SRFBP1: variants seen among roughly 807,000 people sequenced by gnomAD.
SRFBP1 encodes serum response factor binding protein 1.
A neutral mutation model predicts 45.5 loss-of-function variants in SRFBP1; 47 were observed. The observed-to-expected ratio is 1.03, with a 90% CI of 0.82 to 1.32. The LOEUF (loss-of-function observed/expected upper bound fraction) is 1.32, where lower values mean the gene tolerates loss of function less well. Among genes scored for constraint, SRFBP1 ranks in the 40% most tolerant of loss-of-function variants. SRFBP1 has a pLI of 0.00. For synonymous variants in SRFBP1, 203 were observed against 166.3 expected (o/e 1.22, Z -1.70); for missense variants, 621 against 484.6 (o/e 1.28, Z -2.64).
rs1030910311 is a variant in SRFBP1, at chr5:122,022,352, G to C, written c.1068-18G>C. ...GATTTATCTTTAAAAAGTCATAATG[G>C]TGTTTTTCTTCTTTTAGAAATTTCA... On this transcript the variant is annotated intron_variant, in intron 6 of 7. Coordinates refer to ENST00000339397, the MANE Select transcript of SRFBP1 (RefSeq NM_152546.3). The C allele has an allele frequency of 6.3e-7, 1 of 1,599,890 alleles. No individual in the cohort carries two copies. The highest frequency in any genetic ancestry group is 8.5e-7 in the Non-Finnish European group (1 of 1,170,892).
downstream of SRFBP1, among the ~76,000 whole-genome samples, chr5:122,030,024 G>A (rs993865262): frequency 2.6e-5 from 4 of 152,140 alleles, no homozygotes; most frequent in Admixed American, 2.0e-4. Context: ...GCTAGTTTCA[G>A]AATTGCTAAG....
At chr5:122,026,011 A>C (rs1753471593) in intron 7 of SRFBP1, among the ~76,000 whole-genome samples, 2 of 152,144 alleles carry the variant, frequency 1.3e-5, no homozygotes, top group South Asian at 4.1e-4. Flanking sequence ...AATTGCTTGA[A>C]CCTGGGAGGT....
At chr5:122,006,312 A>G (rs1419317802) in intron 4 of SRFBP1, among the ~76,000 whole-genome samples, 1 of 152,074 alleles carries the variant, frequency 6.6e-6, no homozygotes, top group African/African-American at 2.4e-5. Flanking sequence ...TTCTCTTGCT[A>G]CTTTCAAGAT....
intron 4 of SRFBP1, among the ~76,000 whole-genome samples, chr5:122,005,128 G>A (rs1365844706): frequency 6.6e-6 from 1 of 152,112 alleles, no homozygotes; most frequent in African/African-American, 2.4e-5. Context: ...GTTGCTGTTG[G>A]ATGAAATGTT....
At chr5:122,015,321 C>A (rs1753174295) in intron 4 of SRFBP1, among the ~76,000 whole-genome samples, 1 of 152,196 alleles carries the variant, frequency 6.6e-6, no homozygotes, top group African/African-American at 2.4e-5. Context: ...CTGCTATAAT[C>A]TGTTGCTTTA....
intron 2 of SRFBP1, among the ~76,000 whole-genome samples, chr5:122,060,386 C>T (rs1425911956): frequency 6.6e-6 from 1 of 152,006 alleles, no homozygotes; most frequent in African/African-American, 2.4e-5. Flanking sequence ...CTCATCTGGG[C>T]AATCATTTTC....
chr5:122,052,444 CT>C (rs1292841331), intron 2 of SRFBP1, among the ~76,000 whole-genome samples: 1 of 152,042 alleles, frequency 6.6e-6, no homozygotes, highest in African/African-American at 2.4e-5. Context: ...TTGCTTTTTA[CT>C]TTTTTATTCT....
chr5:122,009,624 G>T (rs913485914), intron 4 of SRFBP1, among the ~76,000 whole-genome samples: 20 of 152,160 alleles, frequency 1.3e-4, no homozygotes, highest in African/African-American at 4.6e-4. Flanking sequence ...TTTCCGAGTA[G>T]GGTGACCACA....
chr5:121,987,137 G>A (rs1752534714), intron 3 of SRFBP1, among the ~76,000 whole-genome samples: 1 of 152,118 alleles, frequency 6.6e-6, no homozygotes, highest in South Asian at 2.1e-4. Flanking sequence ...CCATAAAGAA[G>A]TCTTGAACGT....
intron 2 of SRFBP1, among the ~76,000 whole-genome samples, chr5:122,042,533 T>C (rs1290257911): frequency 6.6e-6 from 1 of 152,228 alleles, no homozygotes; most frequent in Non-Finnish European, 1.5e-5. Flanking sequence ...ATTACAGGCA[T>C]GAACCACCAC....
chr5:122,009,935 C>T (rs1473062550), intron 4 of SRFBP1, among the ~76,000 whole-genome samples: 1 of 152,074 alleles, frequency 6.6e-6, no homozygotes, highest in African/African-American at 2.4e-5. Flanking sequence ...ATCTGTTCAG[C>T]TTGTTCTATG....
At chr5:122,061,908 T>A (rs1754177051) in intron 2 of SRFBP1, among the ~76,000 whole-genome samples, 1 of 151,982 alleles carries the variant, frequency 6.6e-6, no homozygotes, top group African/African-American at 2.4e-5. Context: ...GCTGCCACAT[T>A]TATTTTAAAT....
chr5:122,050,278 T>G (rs1160278719), intron 2 of SRFBP1, among the ~76,000 whole-genome samples: 1 of 152,120 alleles, frequency 6.6e-6, no homozygotes, highest in Non-Finnish European at 1.5e-5. Context: ...TGAGGAGGAG[T>G]TCCTCATGCT....
intron 1 of SRFBP1, among the ~76,000 whole-genome samples, chr5:121,967,191 C>A (rs1296870299): frequency 6.6e-6 from 1 of 152,104 alleles, no homozygotes; most frequent in Non-Finnish European, 1.5e-5. Context: ...TGCCAAAGAA[C>A]AAAATGAGTT....
At chr5:121,994,103 CAG>C (rs1455883008) in intron 3 of SRFBP1, among the ~76,000 whole-genome samples, 1 of 151,950 alleles carries the variant, frequency 6.6e-6, no homozygotes, top group African/African-American at 2.4e-5. Flanking sequence ...AGTTGTGTGT[CAG>C]AGTCTTGAGC....
At position 121,977,102 on chromosome 5, in the gene SRFBP1, AG is replaced by A. The variant is rs540601831; in HGVS notation, c.198+1718del. On this transcript the variant is annotated intron_variant, in intron 3 of 7. Transcript: ENST00000339397. ...TTCTTGTTTTGAATCTCATCAGCAA[AG>A]GGAAATCTGATTCAGTGATAAAGTT... Among the ~76,000 whole-genome samples the A allele has an allele frequency of 6.5e-4, 99 of 152,158 alleles. 2 individuals are homozygous for A. The highest frequency in any genetic ancestry group is 2.5e-3 in the South Asian group (12 of 4,824).
rs114751696 is a variant in SRFBP1 at position 122,054,492 on chromosome 5, G to A, written n.312-20823G>A. On this transcript the variant is annotated intron_variant and non_coding_transcript_variant, in intron 2 of 2. Transcript: ENST00000504881. ...TCACTAGCTCTTTTGTTTCCTGTCC[G>A]TGAGTGTGGCATACATGAGCTGTTT... is the stretch of plus-strand genomic sequence containing the variant. 5.3e-3 allele frequency among the ~76,000 whole-genome samples: 813 copies of A among 152,240 alleles called. 14 individuals carry two copies. The highest frequency in any genetic ancestry group is 0.019 in the African/African-American group (778 of 41,550).
intron 3 of SRFBP1, among the ~76,000 whole-genome samples, chr5:121,985,615 A>G (rs1752497137): frequency 6.6e-6 from 1 of 151,920 alleles, no homozygotes; most frequent in Non-Finnish European, 1.5e-5. Flanking sequence ...TTTATGTTAT[A>G]TCTAATACTG....
intron 1 of SRFBP1, among the ~76,000 whole-genome samples, chr5:121,967,280 G>A (rs191647296): frequency 1.2e-4 from 19 of 152,228 alleles, no homozygotes; most frequent in Admixed American, 2.6e-4. Flanking sequence ...CGCTTGTGTC[G>A]TGATTAGGTG....
Sources: allele counts gnomAD v4.1 joint callset (sites outside exome capture counted in the v4.1 genomes callset), GRCh38; gene constraint gnomAD v4.1.1; transcripts MANE v1.5; gene names NCBI Gene and HGNC (gene_info 2026-07-23, HGNC 2026-07-21).